The following SPATA4 variants were observed in gnomAD, a reference collection of about 807,000 sequenced individuals.
SPATA4 encodes spermatogenesis associated 4.
In SPATA4, 35 loss-of-function variants were observed where a neutral mutation model predicts 31.8. The ratio of observed to expected loss-of-function variants is 1.10; its 90% CI spans 0.84 to 1.46. The LOEUF (loss-of-function observed/expected upper bound fraction) is 1.46, where lower values mean the gene tolerates loss of function less well. Among genes scored for constraint, SPATA4 ranks in the 40% most tolerant of loss-of-function variants. The probability of loss-of-function intolerance (pLI) is 0.00; values close to 1 mark genes in which losing one functional copy is unlikely to be tolerated. For synonymous variants in SPATA4, 126 were observed against 132.4 expected (o/e 0.95, Z 0.33); for missense variants, 394 against 363.1 (o/e 1.09, Z -0.69).
Position 176,195,489 on chromosome 4 carries a change from G to A in SPATA4, c.74C>T (p.Ser25Leu). 1 of 1,614,260 alleles carries A rather than the reference G, an allele frequency of 6.2e-7. No individual in the cohort carries two copies. The highest frequency in any genetic ancestry group is 8.5e-7 in the Non-Finnish European group (1 of 1,180,046). Residue 25 changes from serine (S) to leucine (L), a missense_variant, in exon 1 of 6, where the codon TCG becomes TTG. Coordinates refer to ENST00000280191, the MANE Select transcript of SPATA4 (RefSeq NM_144644.4). ...AAALDKSPSL[S>L]PQLAAPIRGR... ...TCGGATGGGAGCTGCTAGCTGTGGC[G>A]AAAGTGACGGTGACTTGTCTAGGGC...
rs200650536 is a variant in SPATA4, at chr4:176,188,244, T to C, written c.689-9A>G. 2.6e-6 allele frequency: 4 copies of C among 1,558,042 alleles called. No homozygotes were observed. The African/African-American group carries it at 5.5e-5, about 21-fold the overall frequency. ...TTTCACATCAAACCATTCTATAAAA[T>C]ATGAACACAAAAGTTATTTCTTAAA... On this transcript the variant is annotated splice_polypyrimidine_tract_variant and intron_variant, in intron 4 of 5. Coordinates refer to ENST00000280191, the MANE Select transcript of SPATA4 (RefSeq NM_144644.4).
intron 5 of SPATA4, among the ~76,000 whole-genome samples, chr4:176,187,859 G>A (rs142949458): frequency 6.6e-5 from 10 of 152,240 alleles, no homozygotes; most frequent in African/African-American, 9.6e-5. Context: ...TGAGCCTGAC[G>A]TGTTTCCAAC....
At position 176,192,855 on chromosome 4, in the gene SPATA4, T is replaced by TA. The variant is rs1752554893; in HGVS notation, c.468-9dup. The TA allele has an allele frequency of 6.2e-7, 1 of 1,607,602 alleles. No individual in the cohort carries two copies. Among genetic ancestry groups the TA allele is most frequent in the South Asian group, 1.1e-5 (1 of 89,478 alleles). On this transcript the variant is annotated splice_polypyrimidine_tract_variant and intron_variant, in intron 3 of 5. Coordinates refer to ENST00000280191, the MANE Select transcript of SPATA4 (RefSeq NM_144644.4). Reference sequence around the variant, plus strand: ...TCCTGGATACTTTTAATTCTGGAAATAAAAAATAAAATACTGTTGACAAGC... The same window carrying TA: ...TCCTGGATACTTTTAATTCTGGAAATAAAAAAATAAAATACTGTTGACAAGC...
chr4:176,189,887 A>G (rs1407612673), intron 4 of SPATA4, among the ~76,000 whole-genome samples: 1 of 152,216 alleles, frequency 6.6e-6, no homozygotes, highest in Non-Finnish European at 1.5e-5. Flanking sequence ...CGGGAACTTC[A>G]GCAAGACCCC....
rs759275187 is a variant in SPATA4 at position 176,192,583 on chromosome 4, T to C, written c.688+44A>G. Reference sequence around the variant, plus strand: ...CTTTCATCTGTGCTCAAGAATAGCCTGATAGAGCTTGGAAGAACTCAGCTG... The same window carrying C: ...CTTTCATCTGTGCTCAAGAATAGCCCGATAGAGCTTGGAAGAACTCAGCTG... On this transcript the variant is annotated intron_variant, in intron 4 of 5. Coordinates refer to ENST00000280191, the MANE Select transcript of SPATA4 (RefSeq NM_144644.4). 2.0e-6 allele frequency: 3 copies of C among 1,522,334 alleles called. No homozygotes were observed. In the Admixed American group the frequency reaches 5.0e-5, roughly 26 times the overall value. 94.3% of individuals were successfully genotyped at this position (1,522,334 alleles called of 1,614,324 possible).
chr4:176,193,588 C>A lies in SPATA4; in HGVS notation c.219-6G>T. 6.3e-7 allele frequency: 1 copy of A among 1,599,840 alleles called. No individual in the cohort carries two copies. The highest frequency in any genetic ancestry group is 8.5e-7 in the Non-Finnish European group (1 of 1,176,104). Reference sequence around the variant, plus strand: ...GGAAGCCATTTGAAAAATCTCTGATCCGTGGCAATTAGGAAATGAAATAAA... The same window carrying A: ...GGAAGCCATTTGAAAAATCTCTGATACGTGGCAATTAGGAAATGAAATAAA... On this transcript the variant is annotated splice_polypyrimidine_tract_variant and splice_region_variant and intron_variant, in intron 1 of 5. Coordinates refer to ENST00000280191, the MANE Select transcript of SPATA4 (RefSeq NM_144644.4).
intron 3 of SPATA4, 38 bp downstream of exon 3, chr4:176,192,920 C>T (rs773038763): frequency 2.5e-5 from 40 of 1,583,216 alleles, no homozygotes; most frequent in Admixed American, 7.2e-5. Context: ...AAAAGTTTCA[C>T]ATTAAATTGT....
intron 5 of SPATA4, among the ~76,000 whole-genome samples, chr4:176,185,566 G>T (rs567317721): frequency 3.5e-4 from 53 of 152,242 alleles, no homozygotes; most frequent in African/African-American, 1.2e-3. Context: ...ACAGAGTTAC[G>T]TTCCTACAGT....
Position 176,184,735 on chromosome 4 carries a change from A to T in SPATA4, c.*45T>A. ...GTGATTCTGTTTCTTTATTATGGCT[A>T]GAGATGGTGGCATCACTTCTTCAAA... is the stretch of plus-strand genomic sequence containing the variant. On this transcript the variant is annotated 3_prime_UTR_variant, in exon 6 of 6. Coordinates refer to ENST00000280191, the MANE Select transcript of SPATA4 (RefSeq NM_144644.4). 8.7e-7 allele frequency: 1 copy of T among 1,148,382 alleles called. No individual in the cohort carries two copies. The highest frequency in any genetic ancestry group is 1.3e-6 in the Non-Finnish European group (1 of 790,652). The allele number at this position is 1,148,382 out of a possible 1,614,324, so 71.1% of individuals were successfully genotyped here.
chr4:176,185,702 T>C (rs1444431110), intron 5 of SPATA4, among the ~76,000 whole-genome samples: 1 of 152,212 alleles, frequency 6.6e-6, no homozygotes, highest in Non-Finnish European at 1.5e-5. Context: ...AAAAATTATT[T>C]AACACTTAAT....
intron 1 of SPATA4, chr4:176,194,632 G>A (rs1228034499): frequency 6.6e-6 from 1 of 151,482 alleles, no homozygotes; most frequent in African/African-American, 2.4e-5. Context: ...CATACAAAGT[G>A]CCTACAATTA....
Position 176,195,369 on chromosome 4 carries a change from C to T in SPATA4, c.194G>A (p.Ser65Asn). 1.2e-6 allele frequency: 2 copies of T among 1,614,148 alleles called. No homozygotes were observed. The highest frequency in any genetic ancestry group is 1.7e-6 in the Non-Finnish European group (2 of 1,180,030). ...VLRWLQGLDL[S>N]FFPRNINRDF... is the part of the protein sequence containing the mutation. ...CCTGTTGATGTTCCTGGGGAAGAAG[C>T]TGAGATCCAGACCCTGAAGCCAACG... The change falls in exon 1 of 6, where the codon AGC (serine) becomes AAC (asparagine). Residue 65 changes from serine (S) to asparagine (N), a missense_variant. Physicochemically the swap from Ser to Asn is conservative, Grantham distance 46. Coordinates refer to ENST00000280191, the MANE Select transcript of SPATA4 (RefSeq NM_144644.4).
chr4:176,187,466 G>A (rs760061430), intron 5 of SPATA4, among the ~76,000 whole-genome samples: 3 of 151,938 alleles, frequency 2.0e-5, no homozygotes, highest in Non-Finnish European at 2.9e-5. Context: ...TTAGCCAGGC[G>A]TGGCACCGTG....
chr4:176,187,399 G>T (rs1417868182), intron 5 of SPATA4, among the ~76,000 whole-genome samples: 4 of 151,968 alleles, frequency 2.6e-5, no homozygotes, highest in Non-Finnish European at 4.4e-5. Flanking sequence ...GAGCTCAGGA[G>T]TTCAGGACCA....
chr4:176,185,029 TA>T, intron 5 of SPATA4, 137 bp from the exon 6 acceptor site: 2 of 493,674 alleles, frequency 4.1e-6, no homozygotes, highest in Non-Finnish European at 7.2e-6. Context: ...AAATGCCTGG[TA>T]AACAAGAATA....
At chr4:176,185,024 C>G (rs1330331737) in intron 5 of SPATA4, 132 bp from the exon 6 acceptor site, 1 of 491,932 alleles carries the variant, frequency 2.0e-6, no homozygotes, top group East Asian at 3.3e-5. Context: ...AATCTAAATG[C>G]CTGGTAAACA....
At chr4:176,189,849 A>C (rs940419482) in intron 4 of SPATA4, among the ~76,000 whole-genome samples, 1 of 152,208 alleles carries the variant, frequency 6.6e-6, no homozygotes, top group Admixed American at 6.5e-5. Context: ...TCAGACACCA[A>C]GTTAAAGAAG....
At chr4:176,184,995 C>T in intron 5 of SPATA4, 103 bp from the exon 6 acceptor site, 1 of 578,508 alleles carries the variant, frequency 1.7e-6, no homozygotes, top group Non-Finnish European at 3.0e-6. Flanking sequence ...GAATGATTGG[C>T]AAGAGGTCAA....
intron 1 of SPATA4, 38 bp from the exon 2 acceptor site, chr4:176,193,620 T>G (rs776134520): frequency 2.6e-6 from 4 of 1,547,456 alleles, no homozygotes; most frequent in Non-Finnish European, 3.5e-6. Context: ...TAAAGTGTAG[T>G]TAATTATGCA....
Sources: allele counts gnomAD v4.1 joint callset (sites outside exome capture counted in the v4.1 genomes callset), GRCh38; gene constraint gnomAD v4.1.1; transcripts MANE v1.5; gene names NCBI Gene and HGNC (gene_info 2026-07-23, HGNC 2026-07-21).